ZNF469: variants seen among roughly 807,000 people sequenced by gnomAD.
ZNF469 encodes zinc finger protein 469.
ZNF469 carries 1 observed loss-of-function variant against 1.0 expected under a neutral mutation model. That is an observed-to-expected ratio of 1.00 (90% CI 0.35 to 4.73). The LOEUF is 4.73. Ranked by LOEUF, ZNF469 falls within the 30% of genes most tolerant of loss-of-function variation. The pLI is 0.16. For synonymous variants in ZNF469, 2,703 were observed against 2,363.4 expected (o/e 1.14, Z -4.17); for missense variants, 6,100 against 5,356.3 (o/e 1.14, Z -4.33).
At chr16:88,329,192 C>G in the ZNF469 span, among the ~76,000 whole-genome samples, 1 of 152,140 alleles carries the variant, frequency 6.6e-6, no homozygotes, top group Non-Finnish European at 1.5e-5. Flanking sequence ...GGGAGTAACA[C>G]GGCCGCTGCT....
chr16:88,136,752 C>T, the ZNF469 span, among the ~76,000 whole-genome samples: 1 of 152,238 alleles, frequency 6.6e-6, no homozygotes, highest in Admixed American at 6.5e-5. Flanking sequence ...GCTCTGCCTT[C>T]TTTGTGGAGA....
chr16:88,183,392 C>T, the ZNF469 span, among the ~76,000 whole-genome samples: 2 of 152,256 alleles, frequency 1.3e-5, no homozygotes, highest in South Asian at 4.1e-4. Flanking sequence ...ACATGCCCAT[C>T]CACAGGTGAA....
chr16:88,327,019 C>T, the ZNF469 span, among the ~76,000 whole-genome samples: 4 of 152,222 alleles, frequency 2.6e-5, no homozygotes, highest in South Asian at 8.3e-4. Flanking sequence ...GTCAGGGCGG[C>T]CCCGCCTCTC....
chr16:88,163,997 G>T, the ZNF469 span, among the ~76,000 whole-genome samples: 63 of 151,136 alleles, frequency 4.2e-4, no homozygotes, highest in African/African-American at 1.3e-3. Flanking sequence ...AGATGGGTGG[G>T]TAGATATATG....
the ZNF469 span, among the ~76,000 whole-genome samples, chr16:88,341,985 A>T: frequency 6.6e-6 from 1 of 151,910 alleles, no homozygotes; most frequent in African/African-American, 2.4e-5. Flanking sequence ...CCAGCTGGGG[A>T]AGCAGAATGG....
the ZNF469 span, among the ~76,000 whole-genome samples, chr16:88,322,063 C>A: frequency 1.3e-5 from 2 of 152,240 alleles, no homozygotes; most frequent in East Asian, 1.9e-4. Flanking sequence ...TGGAAATGGT[C>A]CCTGTGGGCC....
At chr16:88,212,888 G>A in the ZNF469 span, among the ~76,000 whole-genome samples, 4 of 152,122 alleles carry the variant, frequency 2.6e-5, no homozygotes, top group African/African-American at 9.6e-5. Flanking sequence ...CCTGCCTCTT[G>A]TTTCAGTTCC....
the ZNF469 span, among the ~76,000 whole-genome samples, chr16:88,170,641 C>T: frequency 6.6e-6 from 1 of 152,164 alleles, no homozygotes; most frequent in African/African-American, 2.4e-5. The surrounding 1 kb of genome is among the most constrained non-coding windows in gnomAD (Gnocchi z 4.2). Flanking sequence ...CTGTAGCATG[C>T]TCCGTCATGT....
At chr16:88,270,373 G>A in the ZNF469 span, among the ~76,000 whole-genome samples, 1 of 152,218 alleles carries the variant, frequency 6.6e-6, no homozygotes, top group African/African-American at 2.4e-5. Flanking sequence ...TGATGGCTGT[G>A]TGTGCCCATG....
At chr16:88,290,085 G>A in the ZNF469 span, among the ~76,000 whole-genome samples, 2 of 152,332 alleles carry the variant, frequency 1.3e-5, no homozygotes, top group East Asian at 1.9e-4. Flanking sequence ...GATGGACATC[G>A]TGGGTGAGCT....
chr16:88,216,750 CAG>C, the ZNF469 span, among the ~76,000 whole-genome samples: 1 of 152,210 alleles, frequency 6.6e-6, no homozygotes, highest in Non-Finnish European at 1.5e-5. Flanking sequence ...ACCTCTTCTC[CAG>C]AGATACTGAT....
chr16:88,290,745 A>G, the ZNF469 span, among the ~76,000 whole-genome samples: 2 of 152,234 alleles, frequency 1.3e-5, no homozygotes, highest in East Asian at 1.9e-4. Context: ...ACAGTGGCAC[A>G]TGCTGGAGGT....
the ZNF469 span, among the ~76,000 whole-genome samples, chr16:88,260,096 G>A: frequency 6.6e-6 from 1 of 151,196 alleles, no homozygotes; most frequent in East Asian, 1.9e-4. The surrounding 1 kb of genome is among the most constrained non-coding windows in gnomAD (Gnocchi z 4.1). Flanking sequence ...TCCTGCCTCA[G>A]CCTCCTGAGT....
the ZNF469 span, among the ~76,000 whole-genome samples, chr16:88,373,418 G>T: frequency 7.2e-5 from 11 of 152,184 alleles, no homozygotes; most frequent in Non-Finnish European, 2.9e-5. Context: ...AACAGGATGA[G>T]ACAGCTGGGC....
the ZNF469 span, among the ~76,000 whole-genome samples, chr16:88,207,826 G>A: frequency 1.3e-5 from 2 of 150,862 alleles, no homozygotes; most frequent in Non-Finnish European, 1.5e-5. Context: ...TAGCAGCTGG[G>A]GCGCCCTGGA....
chr16:88,296,452 A>C, the ZNF469 span, among the ~76,000 whole-genome samples: 1 of 132,882 alleles, frequency 7.5e-6, no homozygotes, highest in African/African-American at 2.7e-5. Context: ...AGACATGCTC[A>C]CCCTCCCCCC....
At chr16:88,353,831 G>A in the ZNF469 span, among the ~76,000 whole-genome samples, 1 of 152,194 alleles carries the variant, frequency 6.6e-6, no homozygotes, top group African/African-American at 2.4e-5. Context: ...TGGGGCCTCC[G>A]GCAGCTGGAA....
intron 1 of ZNF469, among the ~76,000 whole-genome samples, chr16:88,398,203 C>G (rs949974941): frequency 1.3e-5 from 2 of 152,212 alleles, no homozygotes; most frequent in Non-Finnish European, 2.9e-5. Flanking sequence ...GCTGTGCTCC[C>G]TCCACCACCC....
chr16:88,198,955 C>T, the ZNF469 span, among the ~76,000 whole-genome samples: 4 of 152,214 alleles, frequency 2.6e-5, no homozygotes, highest in African/African-American at 9.6e-5. Context: ...CTTGACAAGA[C>T]GCTGCTGCCG....
Sources: allele counts gnomAD v4.1 joint callset (sites outside exome capture counted in the v4.1 genomes callset), GRCh38; gene constraint gnomAD v4.1.1; non-coding constraint Gnocchi (gnomAD v3.1); transcripts MANE v1.5; gene names NCBI Gene and HGNC (gene_info 2026-07-23, HGNC 2026-07-21).